Variants in EPB41L3 observed in about 807,000 individuals in gnomAD.
EPB41L3 encodes the protein band 4.1-like protein 3.
Under a neutral mutation model 127.1 loss-of-function variants are expected in EPB41L3, and 57 were observed. The ratio of observed to expected loss-of-function variants is 0.45; its 90% confidence interval spans 0.36 to 0.56. EPB41L3 has a LOEUF of 0.56. Among genes scored for constraint, EPB41L3 ranks in the 20% least tolerant of loss-of-function variants. The pLI is 0.00. For missense variants in EPB41L3, 1,273 were observed against 1,372.2 expected, an observed-to-expected ratio of 0.93 and a Z score of 1.14; for synonymous variants, 572 against 549.5, an observed-to-expected ratio of 1.04 and a Z score of -0.57.
chr18:5,511,391 G>GTTTTTTGT (rs2092506495), intron 1 of EPB41L3, among the ~76,000 whole-genome samples: 3 of 59,796 alleles, frequency 5.0e-5, no homozygotes, highest in Admixed American at 2.6e-4. Context: ...AGGTATTTTG[G>GTTTTTTGT]TTTTTTTTTT....
intron 5 of EPB41L3, among the ~76,000 whole-genome samples, chr18:5,438,792 T>C (rs1267240301): frequency 6.6e-6 from 1 of 152,178 alleles, no homozygotes; most frequent in African/African-American, 2.4e-5. Flanking sequence ...TTGCAATCTT[T>C]ATCCTGTGGC....
At chr18:5,412,987 TAGTC>T (rs748201917) in intron 13 of EPB41L3, among the ~76,000 whole-genome samples, 5 of 152,164 alleles carry the variant, frequency 3.3e-5, no homozygotes, top group Non-Finnish European at 7.4e-5. Flanking sequence ...ACTTAGCATT[TAGTC>T]AGTCAGTCAG....
intron 3 of EPB41L3, among the ~76,000 whole-genome samples, chr18:5,594,489 GA>G (rs1294309081): frequency 2.6e-5 from 4 of 152,026 alleles, no homozygotes; most frequent in Non-Finnish European, 1.5e-5. Flanking sequence ...AAAATATACG[GA>G]AAAAAATAAC....
intron 3 of EPB41L3, among the ~76,000 whole-genome samples, chr18:5,558,571 G>A (rs1414258887): frequency 1.3e-5 from 2 of 152,190 alleles, no homozygotes; most frequent in Admixed American, 1.3e-4. Flanking sequence ...TGCATGGTCT[G>A]GGTGTTAAGA....
At chr18:5,441,501 T>A (rs2080735402) in intron 5 of EPB41L3, among the ~76,000 whole-genome samples, 1 of 150,242 alleles carries the variant, frequency 6.7e-6, no homozygotes. Flanking sequence ...AGTTTCGCTC[T>A]GTCGCCCAGG....
chr18:5,406,689 A>T, intron 16 of EPB41L3, 88 bp downstream of exon 16: 2 of 1,223,554 alleles, frequency 1.6e-6, no homozygotes, highest in Non-Finnish European at 2.3e-6. Context: ...TTTTCTACCC[A>T]GAAGACTGTC....
intron 3 of EPB41L3, among the ~76,000 whole-genome samples, chr18:5,550,168 G>C (rs1719964): frequency 6.6e-6 from 1 of 151,918 alleles, no homozygotes; most frequent in African/African-American, 2.4e-5. Context: ...ACTAATTGCC[G>C]GCAGTTTTAG....
In EPB41L3 at chr18:5,424,164, T is replaced by C. The variant is rs756722131; in HGVS notation, c.1163+98A>G. The C allele has an allele frequency of 1.7e-5, 14 of 821,638 alleles. No individual in the cohort carries two copies. In the South Asian group the frequency reaches 2.9e-4, roughly 17 times the overall value. The allele number at this position is 821,638 out of a possible 1,614,324, so 50.9% of individuals were successfully genotyped here. ...TATGGTGACAATGAACTTGAAGGGA[T>C]AGAAAGAATAAAATTCCATATTTTT... On this transcript the variant is annotated intron_variant, in intron 10 of 22. Transcript: ENST00000341928.
chr18:5,515,084 T>C (rs1225764462), intron 1 of EPB41L3, among the ~76,000 whole-genome samples: 1 of 152,194 alleles, frequency 6.6e-6, no homozygotes, highest in Non-Finnish European at 1.5e-5. Flanking sequence ...CAACATATGC[T>C]GGAGAGGACA....
At chr18:5,424,124 T>A in intron 10 of EPB41L3, 138 bp downstream of exon 10, 1 of 628,394 alleles carries the variant, frequency 1.6e-6, no homozygotes, top group East Asian at 3.1e-5. Flanking sequence ...TCTCTTAGGA[T>A]TTCTTATCAA....
Position 5,397,753 on chromosome 18 carries a change from A to G in EPB41L3, c.2472+268T>C, listed in dbSNP as rs2073814938. The stretch of plus-strand genomic sequence containing the variant: ...GGTTTTGGCTGCTTTCTTAGACTCA[A>G]CTGGTGAGACATAATGCTTTTAGAT... On this transcript the variant is annotated intron_variant, in intron 17 of 22. Transcript: ENST00000341928. The surrounding 1 kb of genome is among the most constrained non-coding windows in gnomAD (Gnocchi z 4.1). 1.3e-5 allele frequency among the ~76,000 whole-genome samples: 2 copies of G among 152,186 alleles called. No individual in the cohort carries two copies. The highest frequency in any genetic ancestry group is 1.3e-4 in the Admixed American group (2 of 15,286).
chr18:5,415,734 C>T, intron 13 of EPB41L3, 84 bp downstream of exon 13: 1 of 1,370,976 alleles, frequency 7.3e-7, no homozygotes, highest in Non-Finnish European at 1.0e-6. Flanking sequence ...AAAGTAGGAC[C>T]ACTATGGCAG....
intron 3 of EPB41L3, among the ~76,000 whole-genome samples, chr18:5,595,661 T>C (rs2094529789): frequency 6.6e-6 from 1 of 152,126 alleles, no homozygotes; most frequent in Non-Finnish European, 1.5e-5. Flanking sequence ...AAACAGTGCC[T>C]TCCCCATCAG....
intron 3 of EPB41L3, among the ~76,000 whole-genome samples, chr18:5,602,283 C>T (rs185812721): frequency 1.3e-5 from 2 of 152,302 alleles, no homozygotes; most frequent in Admixed American, 6.5e-5. Flanking sequence ...TCCATCCCTC[C>T]TGCCAGTATT....
intron 3 of EPB41L3, among the ~76,000 whole-genome samples, chr18:5,598,306 A>T (rs2094556626): frequency 6.6e-6 from 1 of 152,180 alleles, no homozygotes; most frequent in South Asian, 2.1e-4. Context: ...ATGAGAATAC[A>T]CTTGTCTTCT....
chr18:5,429,907 C>G (rs550298477), intron 8 of EPB41L3, among the ~76,000 whole-genome samples: 1 of 152,250 alleles, frequency 6.6e-6, no homozygotes, highest in East Asian at 1.9e-4. Flanking sequence ...TCTGCGCCAC[C>G]ACTCAGAGAT....
At chr18:5,413,735 T>C (rs923472996) in intron 13 of EPB41L3, among the ~76,000 whole-genome samples, 17 of 152,180 alleles carry the variant, frequency 1.1e-4, no homozygotes, top group African/African-American at 3.9e-4. Flanking sequence ...TTACAGAGTC[T>C]GATGGCAGGA....
At chr18:5,484,065 T>C (rs1472862345) in intron 2 of EPB41L3, among the ~76,000 whole-genome samples, 1 of 36,582 alleles carries the variant, frequency 2.7e-5, no homozygotes, top group Non-Finnish European at 5.7e-5. Flanking sequence ...TCTTAGGCTA[T>C]AAAACAAGTC....
chr18:5,430,285 G>A (rs1435748031), intron 8 of EPB41L3, among the ~76,000 whole-genome samples: 1 of 152,062 alleles, frequency 6.6e-6, no homozygotes, highest in Non-Finnish European at 1.5e-5. Flanking sequence ...ACTACCACTT[G>A]TCTTCCTTCT....
Sources: gnomAD v4.1 joint callset for allele counts (sites outside exome capture counted in the v4.1 genomes callset) on GRCh38, gnomAD v4.1.1 for gene constraint, Gnocchi (gnomAD v3.1) non-coding constraint, MANE v1.5 for transcripts, NCBI Gene and HGNC (gene_info 2026-07-23, HGNC 2026-07-21) for gene names.